PTPRD: variants seen among roughly 807,000 people sequenced by gnomAD.
PTPRD encodes receptor-type tyrosine-protein phosphatase delta.
PTPRD carries 34 observed loss-of-function variants against 214.5 expected under a neutral mutation model. The observed-to-expected ratio is 0.16, with a 90% confidence interval of 0.12 to 0.21. The LOEUF is 0.21. Among genes scored for constraint, PTPRD ranks in the 10% least tolerant of loss-of-function variants. The pLI, the probability that PTPRD is intolerant of heterozygous loss-of-function variation, is 1.00. For missense variants in PTPRD, 2,545 were observed against 2,398.7 expected (o/e 1.06, Z -1.27); for synonymous variants, 1,128 against 845.7 (o/e 1.33, Z -5.79).
In PTPRD at chr9:8,989,144, T is replaced by G. The variant is rs569732267; in HGVS notation, c.-104+29553A>C. Among the ~76,000 whole-genome samples, 4 of 152,198 alleles carry G rather than the reference T, an allele frequency of 2.6e-5. No homozygotes were observed. The South Asian group carries it at 8.3e-4, about 32-fold the overall frequency. On this transcript the variant is annotated intron_variant, in intron 11 of 45. Coordinates refer to ENST00000381196, the MANE Select transcript of PTPRD (RefSeq NM_002839.4). ...GGCACATGTGATATTTTGATACCTG[T>G]ACACAATGTGTAATGATCAAATCAG... is the stretch of plus-strand genomic sequence containing the variant.
At chr9:9,097,921 C>A (rs1282921304) in intron 10 of PTPRD, among the ~76,000 whole-genome samples, 1 of 152,076 alleles carries the variant, frequency 6.6e-6, no homozygotes, top group Non-Finnish European at 1.5e-5. Flanking sequence ...TTCCCTTTGG[C>A]TCGTCTGGCA....
chr9:9,557,977 G>C (rs1392848734), intron 8 of PTPRD, among the ~76,000 whole-genome samples: 1 of 152,188 alleles, frequency 6.6e-6, no homozygotes, highest in Non-Finnish European at 1.5e-5. Context: ...TTGGCTGCTT[G>C]AGCCAGCAGC....
intron 4 of PTPRD, among the ~76,000 whole-genome samples, chr9:9,983,487 T>C (rs2095610964): frequency 6.6e-6 from 1 of 152,358 alleles, no homozygotes; most frequent in East Asian, 1.9e-4. Context: ...GTAAAGTCCT[T>C]TATTACAACC....
At chr9:8,661,441 G>GA (rs1465332933) in intron 12 of PTPRD, among the ~76,000 whole-genome samples, 12 of 151,976 alleles carry the variant, frequency 7.9e-5, no homozygotes, top group South Asian at 4.2e-4. Flanking sequence ...CTGACATATA[G>GA]AAAAAATGAC....
chr9:9,654,578 A>G (rs931455893), intron 7 of PTPRD, among the ~76,000 whole-genome samples: 8 of 152,160 alleles, frequency 5.3e-5, no homozygotes, highest in Non-Finnish European at 1.2e-4. Context: ...TTACAAATCA[A>G]TTACGTAAAA....
chr9:10,090,551 TTTTTAATGTA>T lies in PTPRD; in HGVS notation c.-544-56771_-544-56762del, dbSNP rs1487715846. 1.1e-4 allele frequency among the ~76,000 whole-genome samples: 17 copies of T among 151,090 alleles called. No individual in the cohort carries two copies. In the East Asian group the frequency reaches 2.3e-3, roughly 21 times the overall value. ...GTCAAATATTTTCATTTGATACATA[TTTTTAATGTA>T]TTTTAATGTATTTTATGGTAAAGGG... On this transcript the variant is annotated intron_variant, in intron 3 of 45. Transcript: ENST00000381196.
At chr9:10,522,173 A>G (rs1294726559) in intron 2 of PTPRD, among the ~76,000 whole-genome samples, 2 of 152,168 alleles carry the variant, frequency 1.3e-5, no homozygotes, top group African/African-American at 4.8e-5. Context: ...GTGCTACTCC[A>G]TAGGCAGTGG....
chr9:8,503,009 G>A (rs2097447415), intron 23 of PTPRD, among the ~76,000 whole-genome samples: 1 of 151,918 alleles, frequency 6.6e-6, no homozygotes, highest in Non-Finnish European at 1.5e-5. Context: ...GGAATTCAAA[G>A]CAGACATACA....
rs535538466 is a variant in PTPRD, at chr9:9,348,420, A to G, written c.-203+49029T>C. Among the ~76,000 whole-genome samples, 8 of 152,294 alleles carry G rather than the reference A, an allele frequency of 5.3e-5. No homozygotes were observed. The South Asian group carries it at 1.7e-3, about 32-fold the overall frequency. ...AGTAGGAGACCATTATCCAGTCACA[A>G]TGCTCAATTCCTTTGACGTTATCTC... On this transcript the variant is annotated intron_variant, in intron 9 of 45. Coordinates refer to ENST00000381196, the MANE Select transcript of PTPRD (RefSeq NM_002839.4).
chr9:8,679,419 A>C (rs907629907), intron 12 of PTPRD, among the ~76,000 whole-genome samples: 4 of 152,192 alleles, frequency 2.6e-5, no homozygotes, highest in African/African-American at 4.8e-5. Flanking sequence ...CTTCATATTC[A>C]CTGTGATTAT....
rs1385500975 is a variant in PTPRD, at chr9:8,982,291, T to C, written c.-104+36406A>G. 2.6e-5 allele frequency among the ~76,000 whole-genome samples: 4 copies of C among 152,050 alleles called. No individual in the cohort carries two copies. The South Asian group carries it at 6.2e-4, about 24-fold the overall frequency. On this transcript the variant is annotated intron_variant, in intron 11 of 45. Coordinates refer to ENST00000381196, the MANE Select transcript of PTPRD (RefSeq NM_002839.4). ...CTCCTTCCATTGTATGCTCTGGGTT[T>C]GTTCCAAAGACCATGCGTTAGCTTC...
chr9:10,150,932 T>A (rs915136185), intron 3 of PTPRD, among the ~76,000 whole-genome samples: 3 of 152,004 alleles, frequency 2.0e-5, no homozygotes, highest in African/African-American at 7.2e-5. Context: ...ACACAGGAAA[T>A]GATTACTTTA....
chr9:9,596,933 T>A (rs1046621715), intron 7 of PTPRD, among the ~76,000 whole-genome samples: 1 of 152,016 alleles, frequency 6.6e-6, no homozygotes, highest in Non-Finnish European at 1.5e-5. Flanking sequence ...AAATCTATTG[T>A]TTAGAAAGGA....
rs534566256 is a variant in PTPRD at position 10,252,852 on chromosome 9, C to T, written c.-545+88111G>A. ...AGGCTGGAGTACAGTGGCATGATCTCGACTCACTGCAACCTCCGCCTCCCG... is the reference window on the plus strand; with the variant it reads ...AGGCTGGAGTACAGTGGCATGATCTTGACTCACTGCAACCTCCGCCTCCCG... On this transcript the variant is annotated intron_variant, in intron 3 of 45. Transcript: ENST00000381196. Among the ~76,000 whole-genome samples the T allele has an allele frequency of 2.6e-5, 4 of 152,054 alleles. 1 individual carries two copies. In the South Asian group the frequency reaches 6.2e-4, roughly 24 times the overall value.
chr9:9,816,674 C>G (rs944285988), intron 5 of PTPRD, among the ~76,000 whole-genome samples: 1 of 151,908 alleles, frequency 6.6e-6, no homozygotes, highest in African/African-American at 2.4e-5. Context: ...ATTCTGAAGC[C>G]TATAAACACG....
chr9:9,564,939 A>G (rs2084051173), intron 8 of PTPRD, among the ~76,000 whole-genome samples: 1 of 89,950 alleles, frequency 1.1e-5, no homozygotes, highest in East Asian at 4.1e-4. Flanking sequence ...CTAACCTGTT[A>G]TGGGCTATGT....
intron 10 of PTPRD, among the ~76,000 whole-genome samples, chr9:9,025,082 G>A (rs746382437): frequency 3.3e-5 from 5 of 151,940 alleles, no homozygotes; most frequent in Non-Finnish European, 7.4e-5. Flanking sequence ...TGTTTACATA[G>A]ATATATTTTT....
intron 11 of PTPRD, among the ~76,000 whole-genome samples, chr9:8,938,462 C>T (rs1482685600): frequency 6.6e-6 from 1 of 152,062 alleles, no homozygotes; most frequent in Admixed American, 6.6e-5. Context: ...CATTAATCCG[C>T]CTTGCTGGCT....
At chr9:10,459,449 G>C (rs1032671698) in intron 2 of PTPRD, among the ~76,000 whole-genome samples, 2 of 152,024 alleles carry the variant, frequency 1.3e-5, no homozygotes, top group South Asian at 2.1e-4. Flanking sequence ...TGGTATTACT[G>C]GTTCTAGATC....
Sources: gnomAD v4.1 joint callset for allele counts (sites outside exome capture counted in the v4.1 genomes callset) on GRCh38, gnomAD v4.1.1 for gene constraint, MANE v1.5 for transcripts, NCBI Gene and HGNC (gene_info 2026-07-23, HGNC 2026-07-21) for gene names.